TPO: variants seen among roughly 807,000 people sequenced by gnomAD.
The protein encoded by TPO is thyroid peroxidase, also known as thyroid microsomal antigen.
Under a neutral mutation model 96.9 loss-of-function variants are expected in TPO, and 78 were observed. That is an observed-to-expected ratio of 0.81 (90% CI 0.67 to 0.97). The LOEUF is 0.97. TPO is among the 50% of genes least tolerant of loss of function. The probability of loss-of-function intolerance (pLI) is 0.00; values close to 1 mark genes in which losing one functional copy is unlikely to be tolerated. For synonymous variants in TPO, 547 were observed against 538.0 expected, an observed-to-expected ratio of 1.02 and a Z score of -0.23; for missense variants, 1,252 against 1,274.8, an observed-to-expected ratio of 0.98 and a Z score of 0.27.
At chr2:1,535,424 G>C (rs1456134515) in intron 15 of TPO, among the ~76,000 whole-genome samples, 1 of 69,450 alleles carries the variant, frequency 1.4e-5, no homozygotes, top group Non-Finnish European at 2.7e-5. Flanking sequence ...CCTACTGTGT[G>C]CAACCTCCCC....
At chr2:1,405,062 G>T (rs1037374249) in intron 1 of TPO, among the ~76,000 whole-genome samples, 3 of 8,908 alleles carry the variant, frequency 3.4e-4, no homozygotes, top group Non-Finnish European at 6.8e-4. Flanking sequence ...CCACCCACCC[G>T]CATAGACATC....
chr2:1,519,422 T>C (rs28913033), intron 15 of TPO, among the ~76,000 whole-genome samples: 19,183 of 152,176 alleles, frequency 0.13, 1,308 homozygotes, highest in Non-Finnish European at 0.14. Context: ...CCAGGGCTGT[T>C]GTTTCAAATA....
At chr2:1,521,421 T>G (rs1034851393) in intron 15 of TPO, among the ~76,000 whole-genome samples, 1 of 152,114 alleles carries the variant, frequency 6.6e-6, no homozygotes, top group Non-Finnish European at 1.5e-5. Flanking sequence ...CATGGGGCAG[T>G]GGGCCACGGG....
intron 1 of TPO, among the ~76,000 whole-genome samples, chr2:1,390,490 AC>A (rs1661983458): frequency 6.6e-6 from 1 of 152,208 alleles, no homozygotes; most frequent in South Asian, 2.1e-4. Context: ...CAATAGACAT[AC>A]GTGTGCATGT....
intron 15 of TPO, among the ~76,000 whole-genome samples, chr2:1,523,164 A>G (rs1266896608): frequency 1.7e-5 from 2 of 119,074 alleles, no homozygotes; most frequent in Non-Finnish European, 3.4e-5. Flanking sequence ...AATCCCCCAC[A>G]CTGTGTGCAA....
At chr2:1,498,025 G>A (rs1672528214) in intron 13 of TPO, among the ~76,000 whole-genome samples, 1 of 151,548 alleles carries the variant, frequency 6.6e-6, no homozygotes, top group African/African-American at 2.4e-5. Context: ...GGCTGGGAGG[G>A]GGATGGTGTG....
intron 1 of TPO, among the ~76,000 whole-genome samples, chr2:1,384,914 A>G (rs1269392210): frequency 2.6e-5 from 4 of 152,222 alleles, no homozygotes; most frequent in African/African-American, 9.7e-5. Context: ...GAGAGTTTTT[A>G]GCATGAAAGG....
intron 15 of TPO, among the ~76,000 whole-genome samples, chr2:1,535,623 T>C (rs1179689736): frequency 7.8e-4 from 1 of 1,284 alleles, no homozygotes. Context: ...GTGTACAACC[T>C]CCTCAAATCC....
chr2:1,472,461 T>C (rs1325074761), intron 7 of TPO, among the ~76,000 whole-genome samples: 1 of 152,196 alleles, frequency 6.6e-6, no homozygotes, highest in Non-Finnish European at 1.5e-5. Flanking sequence ...TTCTCTTGAA[T>C]GTTGTTAACA....
At chr2:1,536,637 C>CA (rs1679709723) in intron 15 of TPO, among the ~76,000 whole-genome samples, 1 of 18,724 alleles carries the variant, frequency 5.3e-5, no homozygotes. Context: ...GAAACCTCCC[C>CA]AAATCCCCCC....
At chr2:1,504,775 C>G (rs2125005733) in intron 14 of TPO, among the ~76,000 whole-genome samples, 1 of 152,296 alleles carries the variant, frequency 6.6e-6, no homozygotes, top group African/African-American at 2.4e-5. Context: ...CGCTCCTGGT[C>G]ACACAGCCAC....
intron 1 of TPO, among the ~76,000 whole-genome samples, chr2:1,389,127 A>G (rs1661956286): frequency 6.6e-6 from 1 of 152,150 alleles, no homozygotes; most frequent in South Asian, 2.1e-4. Flanking sequence ...CTGGCAGCTC[A>G]CTCAGGAGGG....
intron 15 of TPO, among the ~76,000 whole-genome samples, chr2:1,526,145 T>A (rs1199753139): frequency 3.6e-4 from 18 of 49,992 alleles, no homozygotes; most frequent in Non-Finnish European, 6.3e-4. Context: ...CATCCCTCCA[T>A]GTGCAAACCT....
intron 15 of TPO, among the ~76,000 whole-genome samples, chr2:1,523,311 G>A (rs1284649467): frequency 6.6e-5 from 3 of 45,370 alleles, no homozygotes; most frequent in Non-Finnish European, 1.1e-4. Flanking sequence ...CCCACTGTGA[G>A]CAACCTCCCC....
Position 1,457,324 on chromosome 2 carries a change from CAT to C in TPO, c.819+1050_819+1051del, listed in dbSNP as rs879025673. Among the ~76,000 whole-genome samples, 63 of 103,722 alleles carry C rather than the reference CAT, an allele frequency of 6.1e-4. 1 individual carries two copies. Among genetic ancestry groups the C allele is most frequent in the South Asian group, 4.1e-3 (11 of 2,654 alleles). The allele number at this position is 103,722 out of a possible 152,430, so 68.0% of individuals were successfully genotyped here. ...TAGCATGTATGATACTGTGGGTACA[CAT>C]ATATATAGCATGCATGATAGTGTGT... On this transcript the variant is annotated intron_variant, in intron 7 of 16. Coordinates refer to ENST00000329066, the MANE Select transcript of TPO (RefSeq NM_001206744.2).
intron 2 of TPO, among the ~76,000 whole-genome samples, chr2:1,422,346 ACCTCGTGCAGGCGCCGCGCTGGACC>A (rs1663738477): frequency 1.4e-5 from 2 of 138,390 alleles, no homozygotes; most frequent in African/African-American, 2.5e-5. Flanking sequence ...TCCTGGACCG[ACCTCGTGCAGGCGCCGCGCTGGACC>A]GACCTCGTGC....
At chr2:1,537,420 C>T (rs1181139237) in intron 15 of TPO, among the ~76,000 whole-genome samples, 29 of 108,534 alleles carry the variant, frequency 2.7e-4, no homozygotes, top group East Asian at 5.7e-4. Flanking sequence ...CCTCCCCAAA[C>T]CCTCCCATTG....
intron 7 of TPO, among the ~76,000 whole-genome samples, chr2:1,457,604 A>T (rs1667948727): frequency 6.6e-6 from 1 of 151,482 alleles, no homozygotes; most frequent in Non-Finnish European, 1.5e-5. Flanking sequence ...TATATGTAGC[A>T]TGTATGATAG....
At position 1,433,591 on chromosome 2, in the gene TPO, A is replaced by G. The variant is rs1375565229; in HGVS notation, c.333A>G (p.Gln111=). The G allele has an allele frequency of 1.2e-6, 2 of 1,613,974 alleles. No individual in the cohort carries two copies. The highest frequency in any genetic ancestry group is 2.2e-5 in the South Asian group (2 of 91,054). The change falls in exon 4 of 17, where the codon CAA becomes CAG. Residue 111 remains glutamine, a synonymous_variant. Transcript: ENST00000329066. ...MKRKVNLKTQ[Q]SQHPTDALSE... is the part of the protein sequence containing the mutation. ...GAAAAGTCAACCTGAAAACTCAACA[A>G]TCACAGCATCCAACGGGTAATGTGT...
Sources: gnomAD v4.1 joint callset for allele counts (sites outside exome capture counted in the v4.1 genomes callset) on GRCh38, gnomAD v4.1.1 for gene constraint, MANE v1.5 for transcripts, NCBI Gene and HGNC (gene_info 2026-07-23, HGNC 2026-07-21) for gene names.